The following SLC43A2 variants were observed in gnomAD, a reference collection of about 807,000 sequenced individuals.
SLC43A2 encodes the protein large neutral amino acids transporter small subunit 4.
SLC43A2 carries 38 observed loss-of-function variants against 63.2 expected under a neutral mutation model. The observed-to-expected ratio is 0.60, with a 90% CI of 0.46 to 0.79. The LOEUF is 0.79. Ranked by LOEUF, SLC43A2 falls within the 30% of genes least tolerant of loss-of-function variation. The pLI is 0.00. For missense variants in SLC43A2, 644 were observed against 756.2 expected (o/e 0.85, Z 1.74); for synonymous variants, 322 against 331.0 (o/e 0.97, Z 0.30).
intron 5 of SLC43A2, among the ~76,000 whole-genome samples, chr17:1,597,109 G>A (rs141330339): frequency 0.092 from 13,967 of 152,078 alleles, 2,116 homozygotes; most frequent in African/African-American, 0.32. Context: ...CCAGCTACTC[G>A]GGAGGCTGAG....
intron 9 of SLC43A2, among the ~76,000 whole-genome samples, chr17:1,588,902 T>A (rs547942593): frequency 6.6e-6 from 1 of 152,268 alleles, no homozygotes; most frequent in Non-Finnish European, 1.5e-5. Flanking sequence ...CGCGGGGCCG[T>A]ACGCGGAGGC....
chr17:1,625,084 T>G lies in SLC43A2; in HGVS notation c.160+2631A>C, dbSNP rs546520484. The stretch of plus-strand genomic sequence containing the variant: ...GTGCTTCTCGGGCTGAGAACCCAAC[T>G]GGTCTCCTGCCCTCACCAGGGGGAC... On this transcript the variant is annotated intron_variant, in intron 2 of 13. Transcript: ENST00000301335. Among the ~76,000 whole-genome samples the G allele has an allele frequency of 2.6e-5, 4 of 152,218 alleles. No individual in the cohort carries two copies. The South Asian group carries it at 6.2e-4, about 24-fold the overall frequency.
At chr17:1,587,683 G>GT (rs370356632) in intron 9 of SLC43A2, among the ~76,000 whole-genome samples, 7 of 152,270 alleles carry the variant, frequency 4.6e-5, no homozygotes, top group Admixed American at 3.3e-4. Context: ...TCCAGGCCTC[G>GT]TTTTTCAGGT....
At chr17:1,629,892 C>T (rs561539764), upstream of SLC43A2, among the ~76,000 whole-genome samples, 3 of 152,348 alleles carry the variant, frequency 2.0e-5, no homozygotes, top group Non-Finnish European at 2.9e-5. Context: ...CGGGAAGACC[C>T]TCTGACTGCC....
Position 1,572,170 on chromosome 17 carries a change from CCT to C in SLC43A2, c.*3432_*3433del, listed in dbSNP as rs1311384675. On this transcript the variant is annotated 3_prime_UTR_variant, in exon 14 of 14. Coordinates refer to ENST00000301335, the MANE Select transcript of SLC43A2 (RefSeq NM_152346.3). ...TGATTCCATGCAGTAGCTCTCTCCC[CCT>C]CTTCTGAGAAGGCTCTTGGCTCCCA... The C allele has an allele frequency of 3.3e-5, 5 of 152,528 alleles. No homozygotes were observed. The highest frequency in any genetic ancestry group is 1.2e-4 in the African/African-American group (5 of 41,452). The allele number at this position is 152,528 out of a possible 1,614,324, so 9.4% of individuals were successfully genotyped here.
upstream of SLC43A2, chr17:1,628,855 C>CCT (rs1908941407): frequency 6.6e-6 from 1 of 152,398 alleles, no homozygotes; most frequent in East Asian, 1.9e-4. Flanking sequence ...TTATTCCAGC[C>CCT]CTTTTATTCC....
chr17:1,576,643 G>A lies in SLC43A2; in HGVS notation c.1502C>T (p.Pro501Leu), dbSNP rs1373882267. 13 of 1,610,740 alleles carry A rather than the reference G, an allele frequency of 8.1e-6. No individual in the cohort carries two copies. Among genetic ancestry groups the A allele is most frequent in the East Asian group, 2.2e-5 (1 of 44,878 alleles). The stretch of plus-strand genomic sequence containing the variant: ...AGGACCCATCATGGCCAGAAACAGC[G>A]GCTGCTGCAGAAGGGCGAAGAGCGC... The part of the protein sequence containing the change: ...ISALFALLQQ[P>L]LFLAMMGPLQ... Residue 501 changes from proline to leucine, a missense_variant, in exon 13 of 14, where the codon CCG (proline) becomes CTG (leucine). By Grantham distance (98) the Pro-to-Leu change is moderately conservative. Transcript: ENST00000301335.
chr17:1,625,470 T>A (rs1908579309), intron 2 of SLC43A2, among the ~76,000 whole-genome samples: 1 of 152,236 alleles, frequency 6.6e-6, no homozygotes, highest in Non-Finnish European at 1.5e-5. Context: ...ACAAGTCTAA[T>A]TCAATAAATT....
rs1257182215 is a variant in SLC43A2 at position 1,605,427 on chromosome 17, T to C, written c.501+7768A>G. ...GGGAGCTTCTCTAAGATGCCGGACGTACGTGCCTTTTGGCCCAGGGCAGGC... is the reference window on the plus strand; with the variant it reads ...GGGAGCTTCTCTAAGATGCCGGACGCACGTGCCTTTTGGCCCAGGGCAGGC... On this transcript the variant is annotated intron_variant, in intron 5 of 13. Transcript: ENST00000301335. The surrounding 1 kb of genome is among the most constrained non-coding windows in gnomAD (Gnocchi z 4.9). 6.6e-6 allele frequency among the ~76,000 whole-genome samples: 1 copy of C among 152,096 alleles called. No individual in the cohort carries two copies. Among genetic ancestry groups the C allele is most frequent in the East Asian group, 1.9e-4 (1 of 5,170 alleles).
chr17:1,595,292 A>AG (rs1555539978), intron 5 of SLC43A2, among the ~76,000 whole-genome samples: 6 of 150,174 alleles, frequency 4.0e-5, no homozygotes, highest in African/African-American at 1.0e-4. Context: ...AAAAAAAAAA[A>AG]AGAGAGAGAG....
rs1408283578 is a variant in SLC43A2 at position 1,578,937 on chromosome 17, C to A, written c.1351-614G>T. Among the ~76,000 whole-genome samples, 1 of 151,772 alleles carries A rather than the reference C, an allele frequency of 6.6e-6. No homozygotes were observed. Among genetic ancestry groups the A allele is most frequent in the Non-Finnish European group, 1.5e-5 (1 of 67,942 alleles). On this transcript the variant is annotated intron_variant, in intron 11 of 13. Transcript: ENST00000301335. This position sits in a 1 kb window ranked among gnomAD's most constrained non-coding sequence, Gnocchi z 6.5. ...GGTGGATCACCTGAGGTCAGGAGTT[C>A]GAAACCAGCCTGGCCAACATGGCGA... is the stretch of plus-strand genomic sequence containing the variant.
At chr17:1,602,827 C>T (rs1364345639) in intron 5 of SLC43A2, among the ~76,000 whole-genome samples, 5 of 144,204 alleles carry the variant, frequency 3.5e-5, no homozygotes, top group Admixed American at 2.8e-4. Flanking sequence ...GGTGCAATCT[C>T]GGCTCACCGC....
rs1009526671 is a variant in SLC43A2, at chr17:1,581,846, C to T, written c.1350+1358G>A. Among the ~76,000 whole-genome samples, 8 of 151,426 alleles carry T rather than the reference C, an allele frequency of 5.3e-5. No individual in the cohort carries two copies. The East Asian group carries it at 1.4e-3, about 26-fold the overall frequency. On this transcript the variant is annotated intron_variant, in intron 11 of 13. Transcript: ENST00000301335. Reference sequence around the variant, plus strand: ...TTTGAGACACAGCCTCACTCTGTCGCCCAGGCTGGAGTGCAGTGGCGCAAT... The same window carrying T: ...TTTGAGACACAGCCTCACTCTGTCGTCCAGGCTGGAGTGCAGTGGCGCAAT...
rs1266327757 is a variant in SLC43A2, at chr17:1,578,328, G to A, written c.1351-5C>T. 1.2e-6 allele frequency: 2 copies of A among 1,613,650 alleles called. No homozygotes were observed. The highest frequency in any genetic ancestry group is 8.5e-7 in the Non-Finnish European group (1 of 1,179,856). ...GTGCAGGATGAAGGAGAGGATCTGG[G>A]GGAGGAAAAGGCGACTGTGGGCATA... is the stretch of plus-strand genomic sequence containing the variant. On this transcript the variant is annotated splice_polypyrimidine_tract_variant and splice_region_variant and intron_variant, in intron 11 of 13. Transcript: ENST00000301335. The surrounding 1 kb of genome is among the most constrained non-coding windows in gnomAD (Gnocchi z 6.5).
intron 8 of SLC43A2, 87 bp from the exon 9 acceptor site, chr17:1,591,035 AG>A: frequency 7.0e-7 from 1 of 1,432,732 alleles, no homozygotes; most frequent in Non-Finnish European, 9.5e-7. Flanking sequence ...GCTGGAGGCC[AG>A]GAGGGGGCCC....
intron 9 of SLC43A2, among the ~76,000 whole-genome samples, chr17:1,586,415 G>A (rs1314372248): frequency 2.0e-5 from 3 of 152,152 alleles, no homozygotes; most frequent in East Asian, 1.9e-4. Context: ...AGCCCAGAAC[G>A]GCTGGGCGCG....
intron 9 of SLC43A2, 74 bp downstream of exon 9, chr17:1,590,728 C>A: frequency 6.5e-7 from 1 of 1,532,276 alleles, no homozygotes; most frequent in South Asian, 1.2e-5. Flanking sequence ...CAGCTTAACA[C>A]ATTCTGGCCG....
chr17:1,604,863 C>A, intron 5 of SLC43A2: 2 of 1,535,684 alleles, frequency 1.3e-6, no homozygotes, highest in Non-Finnish European at 8.7e-7. Flanking sequence ...CATTCCCCCT[C>A]TCGCTCACTC....
rs12939034 is a variant in SLC43A2, at chr17:1,594,810, G to T, written c.502-1531C>A. Among the ~76,000 whole-genome samples the T allele has an allele frequency of 4.0e-5, 6 of 151,240 alleles. No individual in the cohort carries two copies. The South Asian group carries it at 8.4e-4, about 21-fold the overall frequency. ...TCACCACGTTAGCCAGGATGGTCTG[G>T]ATCTCCTGACCTCGTGATCCGCCCG... On this transcript the variant is annotated intron_variant, in intron 5 of 13. Transcript: ENST00000301335.
Sources: gnomAD v4.1 joint callset for allele counts (sites outside exome capture counted in the v4.1 genomes callset) on GRCh38, gnomAD v4.1.1 for gene constraint, Gnocchi (gnomAD v3.1) non-coding constraint, MANE v1.5 for transcripts, NCBI Gene and HGNC (gene_info 2026-07-23, HGNC 2026-07-21) for gene names.